Variants in TPD52 observed in about 807,000 individuals in gnomAD.
TPD52 encodes the protein prostate and colon associated protein.
Under a neutral mutation model 31.3 loss-of-function variants are expected in TPD52, and 17 were observed. The ratio of observed to expected loss-of-function variants is 0.54; its 90% confidence interval spans 0.37 to 0.82. The LOEUF is 0.82. TPD52 is among the 40% of genes least tolerant of loss of function. The pLI is 0.00. For missense variants in TPD52, 212 were observed against 240.1 expected (o/e 0.88, Z 0.77); for synonymous variants, 83 against 89.6 (o/e 0.93, Z 0.42).
chr8:80,096,417 G>T (rs537084410), intron 1 of TPD52, among the ~76,000 whole-genome samples: 1 of 152,084 alleles, frequency 6.6e-6, no homozygotes, highest in African/African-American at 2.4e-5. Flanking sequence ...TAGCACCAAA[G>T]AAAGCATGTT....
rs932940723 is a variant in TPD52, at chr8:80,137,019, A to G, written c.19+34406T>C. Among the ~76,000 whole-genome samples the G allele has an allele frequency of 3.9e-5, 6 of 152,228 alleles. No individual in the cohort carries two copies. In the East Asian group the frequency reaches 5.8e-4, roughly 15 times the overall value. ...AGTATGGCTCAAAGACAAAATTTCA[A>G]TCTTTTCCAATTTTTTTTAAAGTAG... is the stretch of plus-strand genomic sequence containing the variant. On this transcript the variant is annotated intron_variant, in intron 1 of 7. Coordinates refer to ENST00000518937, the MANE Select transcript of TPD52 (RefSeq NM_001025253.3).
rs142035390 is a variant in TPD52 at position 80,088,344 on chromosome 8, G to A, written c.20-23751C>T. On this transcript the variant is annotated intron_variant, in intron 1 of 7. Transcript: ENST00000518937. ...GCTGGAGAGTAGGAATTTGGTTTTC[G>A]TCAGATTAAAGCAACAATTCTTCAT... is the stretch of plus-strand genomic sequence containing the variant. Among the ~76,000 whole-genome samples, 303 of 152,280 alleles carry A rather than the reference G, an allele frequency of 2.0e-3. 2 individuals carry two copies. Among genetic ancestry groups the A allele is most frequent in the African/African-American group, 7.0e-3 (293 of 41,562 alleles).
intron 1 of TPD52, among the ~76,000 whole-genome samples, chr8:80,150,081 G>A (rs769368014): frequency 2.0e-5 from 3 of 152,208 alleles, no homozygotes; most frequent in Admixed American, 6.5e-5. Flanking sequence ...GCCAGGTCCA[G>A]GGCCCTCCTG....
At chr8:80,119,647 A>G (rs185418434) in intron 1 of TPD52, among the ~76,000 whole-genome samples, 210 of 152,332 alleles carry the variant, frequency 1.4e-3, no homozygotes, top group African/African-American at 4.6e-3. Context: ...CTGTTCATGT[A>G]AAATTTGTTT....
rs185037578 is a variant in TPD52, at chr8:80,042,596, G to T, written c.504+24C>A. The T allele has an allele frequency of 1.3e-5, 21 of 1,594,976 alleles. No individual in the cohort carries two copies. In the African/African-American group the frequency reaches 2.8e-4, roughly 21 times the overall value. ...AAGACACCAGGCAATGTATCAAAAA[G>T]ACCCTGTTCATCTCTCTACTTGCCT... On this transcript the variant is annotated intron_variant, in intron 7 of 7. Transcript: ENST00000518937.
At chr8:80,088,784 T>A (rs1365575065) in intron 1 of TPD52, among the ~76,000 whole-genome samples, 1 of 152,188 alleles carries the variant, frequency 6.6e-6, no homozygotes, top group African/African-American at 2.4e-5. Flanking sequence ...AGGACTGCTG[T>A]CCTAGTAAGA....
At chr8:80,114,206 T>A (rs1222320992) in intron 1 of TPD52, among the ~76,000 whole-genome samples, 3 of 152,132 alleles carry the variant, frequency 2.0e-5, no homozygotes, top group Non-Finnish European at 2.9e-5. Context: ...GCCACTGCAC[T>A]CCAGCCTGGG....
At chr8:80,079,322 C>T (rs1026258480) in intron 1 of TPD52, among the ~76,000 whole-genome samples, 1 of 152,142 alleles carries the variant, frequency 6.6e-6, no homozygotes, top group African/African-American at 2.4e-5. Flanking sequence ...ACCAGCTCTA[C>T]CCCTTCTCTG....
At chr8:80,083,495 T>C (rs144249081) in intron 1 of TPD52, among the ~76,000 whole-genome samples, 179 of 151,540 alleles carry the variant, frequency 1.2e-3, no homozygotes, top group African/African-American at 4.2e-3. Flanking sequence ...GTGAATGAGA[T>C]AGTTCTCTGA....
intron 2 of TPD52, among the ~76,000 whole-genome samples, chr8:80,061,385 C>CCCAA (rs1484546324): frequency 5.2e-4 from 53 of 102,136 alleles, no homozygotes; most frequent in Non-Finnish European, 7.9e-4. Flanking sequence ...CCGCCCCCCC[C>CCCAA]AAAAAAAAAA....
chr8:80,040,925 T>C (rs1810318337), intron 7 of TPD52, among the ~76,000 whole-genome samples: 1 of 152,182 alleles, frequency 6.6e-6, no homozygotes. Context: ...TTGAGAAGTA[T>C]CAGTGACCAA....
chr8:80,031,234 T>G (rs977558401), downstream of TPD52, among the ~76,000 whole-genome samples: 1 of 152,232 alleles, frequency 6.6e-6, no homozygotes, highest in Non-Finnish European at 1.5e-5. Context: ...ACAGACCCTA[T>G]TTTAAGAATG....
chr8:80,047,948 T>A (rs982040426), intron 5 of TPD52, among the ~76,000 whole-genome samples: 6 of 152,218 alleles, frequency 3.9e-5, no homozygotes, highest in Non-Finnish European at 8.8e-5. Flanking sequence ...AGTATGCTTT[T>A]AATAACACTA....
intron 1 of TPD52, among the ~76,000 whole-genome samples, chr8:80,096,684 T>C (rs1007190793): frequency 5.3e-5 from 8 of 152,192 alleles, no homozygotes; most frequent in Non-Finnish European, 1.2e-4. Flanking sequence ...ACTATTGTAA[T>C]TGTTTTGGGA....
Position 80,171,440 on chromosome 8 carries a change from C to T in TPD52, c.4G>A (p.Asp2Asn). M[D>N]RGEQGLLRTD... ...GCGCCCTCACCTTGCTCGCCGCGGT[C>T]CATGTCTCCAGCCCGCCGCCTCGTG... The change falls in exon 1 of 8, where the codon GAC (aspartate) becomes AAC (asparagine). Residue 2 changes from aspartate to asparagine, a missense_variant. By Grantham distance (23) the Asp-to-Asn change is conservative (BLOSUM62 1). Transcript: ENST00000518937. 6.3e-7 allele frequency: 1 copy of T among 1,594,088 alleles called. No individual in the cohort carries two copies. Among genetic ancestry groups the T allele is most frequent in the Non-Finnish European group, 8.5e-7 (1 of 1,177,498 alleles).
At chr8:80,141,545 C>A (rs571454339) in intron 1 of TPD52, among the ~76,000 whole-genome samples, 1 of 152,170 alleles carries the variant, frequency 6.6e-6, no homozygotes, top group African/African-American at 2.4e-5. Context: ...AACTCTACTG[C>A]GACCTCATGG....
intron 1 of TPD52, among the ~76,000 whole-genome samples, chr8:80,086,839 A>T (rs934853419): frequency 2.3e-5 from 3 of 128,524 alleles, no homozygotes; most frequent in African/African-American, 9.0e-5. Flanking sequence ...GTGCCACTGC[A>T]TCCCAGCCTG....
At chr8:80,079,643 T>C (rs939219124) in intron 1 of TPD52, among the ~76,000 whole-genome samples, 3 of 152,162 alleles carry the variant, frequency 2.0e-5, no homozygotes, top group African/African-American at 7.2e-5. Flanking sequence ...GTTCCCAGCA[T>C]TGGCTATGAG....
chr8:80,052,072 G>A (rs558569010), intron 3 of TPD52, among the ~76,000 whole-genome samples: 95 of 152,146 alleles, frequency 6.2e-4, no homozygotes, highest in Non-Finnish European at 8.8e-4. Context: ...AGTAGCTGGC[G>A]TAAGTAGGAC....
Sources: gnomAD v4.1 joint callset for allele counts (sites outside exome capture counted in the v4.1 genomes callset) on GRCh38, gnomAD v4.1.1 for gene constraint, MANE v1.5 for transcripts, NCBI Gene and HGNC (gene_info 2026-07-23, HGNC 2026-07-21) for gene names.